MID1: variants seen among roughly 807,000 people sequenced by gnomAD.
The protein encoded by MID1 is midline 1, also known as E3 ubiquitin-protein ligase Midline-1.
MID1 carries 7 observed loss-of-function variants against 40.4 expected under a neutral mutation model. The observed-to-expected ratio is 0.17, with a 90% CI of 0.10 to 0.33. The LOEUF is 0.33. Among genes scored for constraint, MID1 ranks in the 10% least tolerant of loss-of-function variants. The pLI is 1.00. For synonymous variants in MID1, 229 were observed against 221.2 expected, an observed-to-expected ratio of 1.04 and a Z score of -0.31; for missense variants, 367 against 558.5, an observed-to-expected ratio of 0.66 and a Z score of 3.46.
At chrX:10,621,958 A>T (rs1016879262), upstream of MID1, among the ~76,000 whole-genome samples, 1 of 100,408 alleles carries the variant, frequency 1.0e-5, no homozygotes, top group African/African-American at 3.7e-5. Flanking sequence ...TGCCAGTAGC[A>T]CCCCCACAAT....
intron 8 of MID1, among the ~76,000 whole-genome samples, chrX:10,459,234 G>A (rs1158302080): frequency 9.0e-6 from 1 of 111,674 alleles, no homozygotes; most frequent in East Asian, 2.8e-4. Flanking sequence ...GACTCCGACT[G>A]TTTTCTAGAA....
chrX:10,465,431 C>T lies in MID1; in HGVS notation c.1285+4266G>A, dbSNP rs186958716. 1.2e-3 allele frequency among the ~76,000 whole-genome samples: 132 copies of T among 108,623 alleles called. 1 individual carries two copies. The highest frequency in any genetic ancestry group is 4.3e-3 in the African/African-American group (129 of 29,857). The allele number at this position is 108,623 out of a possible 115,157, so 94.3% of individuals were successfully genotyped here. A position where few individuals can be genotyped will look rare whatever the true frequency, so the allele number is the denominator to read the frequency against. On this transcript the variant is annotated intron_variant, in intron 7 of 9. Transcript: ENST00000317552. ...GGACCTGTCATCTGCTTCTAACCAA[C>T]AGAATATGGCAAAGGACAAAGGTCT...
At chrX:10,621,408 A>C (rs1415644506), upstream of MID1, among the ~76,000 whole-genome samples, 3 of 111,887 alleles carry the variant, frequency 2.7e-5, no homozygotes, top group African/African-American at 9.8e-5. Flanking sequence ...TCTTAACTCC[A>C]TATAAGCAAT....
At chrX:10,496,072 TA>T (rs201452612) in intron 3 of MID1, among the ~76,000 whole-genome samples, 28 of 111,767 alleles carry the variant, frequency 2.5e-4, no homozygotes, top group African/African-American at 4.2e-4. Flanking sequence ...AAAAGTAAGT[TA>T]AAAAAAATCA....
chrX:10,472,066 G>A (rs1434596984), intron 6 of MID1, among the ~76,000 whole-genome samples: 1 of 112,528 alleles, frequency 8.9e-6, no homozygotes, highest in Non-Finnish European at 1.9e-5. Flanking sequence ...ACAGCAGCAT[G>A]CTGCCAATTT....
chrX:10,513,833 A>G (rs1360384801), intron 3 of MID1, among the ~76,000 whole-genome samples: 2 of 112,228 alleles, frequency 1.8e-5, no homozygotes, highest in African/African-American at 6.5e-5. Flanking sequence ...TAAAAAATGT[A>G]TCACTACCTG....
At chrX:10,465,210 T>TACACACACACACACAC (rs1402990604) in intron 7 of MID1, among the ~76,000 whole-genome samples, 1 of 62,070 alleles carries the variant, frequency 1.6e-5, no homozygotes, top group African/African-American at 9.2e-5. Flanking sequence ...TATATATATA[T>TACACACACACACACAC]ATATACACAC....
intron 1 of MID1, among the ~76,000 whole-genome samples, chrX:10,572,219 C>CACATAT (rs1555906320): frequency 2.0e-5 from 2 of 100,667 alleles, no homozygotes; most frequent in African/African-American, 7.8e-5. Flanking sequence ...CACACACACA[C>CACATAT]ATATATATAT....
At chrX:10,658,732 C>A (rs1030382143) in intron 1 of MID1, among the ~76,000 whole-genome samples, 6 of 111,139 alleles carry the variant, frequency 5.4e-5, no homozygotes, top group Non-Finnish European at 5.7e-5. Flanking sequence ...TGAGAGGGAG[C>A]TACTCCTCAC....
chrX:10,687,691 AT>A (rs1420558419), intron 1 of MID1, among the ~76,000 whole-genome samples: 1 of 111,590 alleles, frequency 9.0e-6, no homozygotes, highest in African/African-American at 3.3e-5. Flanking sequence ...AGGACATGAG[AT>A]TTTCTTACTG....
intron 4 of MID1, among the ~76,000 whole-genome samples, chrX:10,488,218 A>G (rs1930728916): frequency 9.0e-6 from 1 of 110,786 alleles, no homozygotes; most frequent in African/African-American, 3.3e-5. Flanking sequence ...CCTGAGCTCA[A>G]AGCAATCCAC....
chrX:10,753,173 G>A (rs767593269), intron 1 of MID1, among the ~76,000 whole-genome samples: 3 of 112,271 alleles, frequency 2.7e-5, no homozygotes, highest in Non-Finnish European at 5.6e-5. Flanking sequence ...CTTGCAGAAC[G>A]GTGGCAGTAG....
chrX:10,492,152 C>T (rs1261098133), intron 4 of MID1, among the ~76,000 whole-genome samples: 4 of 111,311 alleles, frequency 3.6e-5, no homozygotes, highest in African/African-American at 9.8e-5. Flanking sequence ...GTTATTCCTT[C>T]ATTTCTTTCT....
At chrX:10,596,015 G>C (rs1015511711) in intron 1 of MID1, among the ~76,000 whole-genome samples, 1 of 111,763 alleles carries the variant, frequency 8.9e-6, no homozygotes, top group South Asian at 3.8e-4. Flanking sequence ...TGCTGCTACA[G>C]CTTCAAGGAA....
At chrX:10,775,317 T>C (rs2043795287) in intron 1 of MID1, among the ~76,000 whole-genome samples, 1 of 110,099 alleles carries the variant, frequency 9.1e-6, no homozygotes, top group Admixed American at 9.7e-5. Context: ...GTTAATTGGG[T>C]GGGAAGGGAA....
chrX:10,575,256 T>A (rs1480720407), intron 1 of MID1, among the ~76,000 whole-genome samples: 1 of 112,038 alleles, frequency 8.9e-6, no homozygotes, highest in Admixed American at 9.5e-5. Context: ...AGGTGAAATA[T>A]TTTTTAAAGA....
At chrX:10,525,686 G>C (rs758506698) in intron 2 of MID1, among the ~76,000 whole-genome samples, 1 of 112,453 alleles carries the variant, frequency 8.9e-6, no homozygotes, top group South Asian at 3.7e-4. Flanking sequence ...CAAGGCACTC[G>C]TGTGCAACAG....
chrX:10,500,359 T>G (rs1294055054), intron 3 of MID1, among the ~76,000 whole-genome samples: 3 of 112,155 alleles, frequency 2.7e-5, no homozygotes, highest in African/African-American at 6.5e-5. Context: ...CAGGATCTAT[T>G]CATTTTAGGC....
At chrX:10,652,894 C>T (rs1364331504) in intron 1 of MID1, among the ~76,000 whole-genome samples, 3 of 112,203 alleles carry the variant, frequency 2.7e-5, no homozygotes, top group African/African-American at 9.7e-5. Context: ...AGACACCTTA[C>T]ACGAAAGGGT....
Sources: gnomAD v4.1 joint callset for allele counts (sites outside exome capture counted in the v4.1 genomes callset) on GRCh38, gnomAD v4.1.1 for gene constraint, MANE v1.5 for transcripts, NCBI Gene and HGNC (gene_info 2026-07-23, HGNC 2026-07-21) for gene names.